Variants in GRXCR1 observed in about 807,000 individuals in gnomAD.
GRXCR1 encodes glutaredoxin domain-containing cysteine-rich protein 1.
GRXCR1 carries 27 observed loss-of-function variants against 27.3 expected under a neutral mutation model. That is an observed-to-expected ratio of 0.99 (90% CI 0.73 to 1.37). GRXCR1 has a LOEUF of 1.37. GRXCR1 is among the 40% of genes most tolerant of loss of function. The pLI is 0.00. For synonymous variants in GRXCR1, 122 were observed against 131.1 expected (o/e 0.93, Z 0.47); for missense variants, 379 against 354.4 (o/e 1.07, Z -0.56).
chr4:42,895,723 T>C (rs926388811), intron 1 of GRXCR1, among the ~76,000 whole-genome samples: 1 of 152,090 alleles, frequency 6.6e-6, no homozygotes, highest in African/African-American at 2.4e-5. Context: ...CTTTTTAAGG[T>C]ATGTGTATGT....
intron 1 of GRXCR1, among the ~76,000 whole-genome samples, chr4:42,960,814 T>C (rs1440824753): frequency 6.6e-6 from 1 of 151,916 alleles, no homozygotes; most frequent in Non-Finnish European, 1.5e-5. Context: ...ATATCTGATT[T>C]TCAAGCTTAT....
intron 2 of GRXCR1, among the ~76,000 whole-genome samples, chr4:43,017,793 A>T (rs192618799): frequency 6.6e-6 from 1 of 152,348 alleles, no homozygotes; most frequent in Admixed American, 6.5e-5. Flanking sequence ...TAATTTCCTA[A>T]GAATGTCAAT....
At chr4:43,028,933 A>G (rs1314594575) in intron 3 of GRXCR1, among the ~76,000 whole-genome samples, 1 of 152,186 alleles carries the variant, frequency 6.6e-6, no homozygotes, top group Non-Finnish European at 1.5e-5. Context: ...TCTGTGATTC[A>G]GTGCCATTAG....
chr4:42,940,238 C>T (rs1482529908), intron 1 of GRXCR1, among the ~76,000 whole-genome samples: 7 of 152,082 alleles, frequency 4.6e-5, no homozygotes, highest in Admixed American at 4.6e-4. Flanking sequence ...CTAGTACACA[C>T]TTTGCCTCCA....
At chr4:42,928,238 G>C (rs1173653499) in intron 1 of GRXCR1, among the ~76,000 whole-genome samples, 1 of 151,930 alleles carries the variant, frequency 6.6e-6, no homozygotes, top group African/African-American at 2.4e-5. Context: ...AAATAGTCCT[G>C]CACACGTTTC....
At chr4:43,000,474 TAAAA>T (rs35604158) in intron 2 of GRXCR1, among the ~76,000 whole-genome samples, 25 of 112,740 alleles carry the variant, frequency 2.2e-4, no homozygotes, top group African/African-American at 3.8e-4. Context: ...GGCTCTATCT[TAAAA>T]AAAAAAAAAA....
chr4:42,935,415 G>T (rs1029965190), intron 1 of GRXCR1, among the ~76,000 whole-genome samples: 4 of 151,880 alleles, frequency 2.6e-5, no homozygotes, highest in Non-Finnish European at 5.9e-5. Context: ...AGAAGTATAG[G>T]AAGGAAGAGG....
At position 42,969,840 on chromosome 4, in the gene GRXCR1, C is replaced by A. The variant is rs533739209; in HGVS notation, c.627+6706C>A. On this transcript the variant is annotated intron_variant, in intron 2 of 3. Transcript: ENST00000399770. ...TGCCTTCCCAACCGTCCCCCACAGTCTTAACTCATTCCTGCATTAACCCAA... is the reference window on the plus strand; with the variant it reads ...TGCCTTCCCAACCGTCCCCCACAGTATTAACTCATTCCTGCATTAACCCAA... Among the ~76,000 whole-genome samples, 94 of 152,244 alleles carry A rather than the reference C, an allele frequency of 6.2e-4. 1 individual carries two copies. The South Asian group carries it at 6.8e-3, about 11-fold the overall frequency.
intron 1 of GRXCR1, among the ~76,000 whole-genome samples, chr4:42,933,943 C>T (rs190033420): frequency 6.6e-6 from 1 of 151,874 alleles, no homozygotes; most frequent in Admixed American, 6.6e-5. Context: ...GGGCACGCCA[C>T]TCCACCTCCT....
intron 3 of GRXCR1, among the ~76,000 whole-genome samples, chr4:43,026,904 G>A (rs2109810626): frequency 6.6e-6 from 1 of 152,230 alleles, no homozygotes; most frequent in East Asian, 1.9e-4. Context: ...TCCTGAGAAT[G>A]GAAGTAGCCC....
rs1748399493 is a variant in GRXCR1, at chr4:42,972,007, C to T, written c.627+8873C>T. 2.0e-5 allele frequency among the ~76,000 whole-genome samples: 3 copies of T among 152,240 alleles called. No individual in the cohort carries two copies. The South Asian group carries it at 6.2e-4, about 32-fold the overall frequency. ...TCTGACTCCAGCTCAAGCGATCTCCCCACCTCAGCCTCCCAAGTATCTGGC... is the reference window on the plus strand; with the variant it reads ...TCTGACTCCAGCTCAAGCGATCTCCTCACCTCAGCCTCCCAAGTATCTGGC... On this transcript the variant is annotated intron_variant, in intron 2 of 3. Coordinates refer to ENST00000399770, the MANE Select transcript of GRXCR1 (RefSeq NM_001080476.3).
Position 42,939,465 on chromosome 4 carries a change from C to T in GRXCR1, c.385-23427C>T, listed in dbSNP as rs995651419. On this transcript the variant is annotated intron_variant, in intron 1 of 3. Transcript: ENST00000399770. Reference sequence around the variant, plus strand: ...TCTGCAGACAAGGATAATTTGACTTCCTCCTTTCCAATTTGGATGAATTTT... The same window carrying T: ...TCTGCAGACAAGGATAATTTGACTTTCTCCTTTCCAATTTGGATGAATTTT... Among the ~76,000 whole-genome samples the T allele has an allele frequency of 7.9e-5, 12 of 152,066 alleles. No individual in the cohort carries two copies. In the South Asian group the frequency reaches 8.3e-4, roughly 11 times the overall value.
chr4:42,907,636 T>C (rs959596438), intron 1 of GRXCR1, among the ~76,000 whole-genome samples: 3 of 152,132 alleles, frequency 2.0e-5, no homozygotes, highest in Non-Finnish European at 4.4e-5. Context: ...CAGACATATT[T>C]CTCCCTGCTC....
At chr4:42,900,671 T>G (rs1023770883) in intron 1 of GRXCR1, among the ~76,000 whole-genome samples, 9 of 152,148 alleles carry the variant, frequency 5.9e-5, no homozygotes, top group African/African-American at 2.2e-4. Flanking sequence ...TGGGGAATTG[T>G]GTTATTACAG....
intron 1 of GRXCR1, among the ~76,000 whole-genome samples, chr4:42,918,985 G>A (rs926886606): frequency 2.0e-5 from 3 of 152,030 alleles, no homozygotes; most frequent in Non-Finnish European, 2.9e-5. Context: ...ATAATAGAAG[G>A]CAGCAGAAAT....
At chr4:42,937,420 C>T (rs892107762) in intron 1 of GRXCR1, among the ~76,000 whole-genome samples, 2 of 151,788 alleles carry the variant, frequency 1.3e-5, no homozygotes, top group African/African-American at 4.8e-5. Flanking sequence ...ATGGTATTAG[C>T]AATATCTGGG....
chr4:42,904,418 A>G (rs947031199), intron 1 of GRXCR1, among the ~76,000 whole-genome samples: 26 of 152,262 alleles, frequency 1.7e-4, no homozygotes, highest in African/African-American at 6.3e-4. Context: ...GAAGAGAAAA[A>G]TACCTTATTC....
rs376674213 is a variant in GRXCR1, at chr4:42,897,571, T to C, written c.384+3921T>C. ...TTGTATTTATAAGCATTCTAATATT[T>C]CAAGACAAATGAAATAAAAGTAGTA... On this transcript the variant is annotated intron_variant, in intron 1 of 3. Coordinates refer to ENST00000399770, the MANE Select transcript of GRXCR1 (RefSeq NM_001080476.3). 4.0e-4 allele frequency among the ~76,000 whole-genome samples: 61 copies of C among 152,176 alleles called. 1 individual carries two copies. The South Asian group carries it at 0.01, about 25-fold the overall frequency.
intron 2 of GRXCR1, among the ~76,000 whole-genome samples, chr4:42,989,912 T>C (rs1711908058): frequency 6.6e-6 from 1 of 152,124 alleles, no homozygotes; most frequent in African/African-American, 2.4e-5. Flanking sequence ...AAGGTATTAA[T>C]ATATTATCAT....
Sources: gnomAD v4.1 joint callset for allele counts (sites outside exome capture counted in the v4.1 genomes callset) on GRCh38, gnomAD v4.1.1 for gene constraint, MANE v1.5 for transcripts, NCBI Gene and HGNC (gene_info 2026-07-23, HGNC 2026-07-21) for gene names.